The following SPTB variants were observed in gnomAD, a reference collection of about 807,000 sequenced individuals.
SPTB encodes spectrin beta chain, erythrocytic.
A neutral mutation model predicts 256.2 loss-of-function variants in SPTB; 45 were observed. The observed-to-expected ratio is 0.18, with a 90% CI of 0.14 to 0.23. The LOEUF (loss-of-function observed/expected upper bound fraction) is 0.23, where lower values mean the gene tolerates loss of function less well. Ranked by LOEUF, SPTB falls within the 10% of genes least tolerant of loss-of-function variation. The pLI, the probability that SPTB is intolerant of heterozygous loss-of-function variation, is 1.00. For missense variants in SPTB, 2,715 were observed against 3,040.4 expected, an observed-to-expected ratio of 0.89 and a Z score of 2.52; for synonymous variants, 1,231 against 1,243.1, an observed-to-expected ratio of 0.99 and a Z score of 0.21.
At position 64,779,665 on chromosome 14, in the gene SPTB, A is replaced by G; in HGVS notation, c.4473+60T>C. ...AAATTGCTCTGGGTGGCAGCCAGCT[A>G]CTCTGATGGCAGCTGGTGGCTCAGC... On this transcript the variant is annotated intron_variant, in intron 21 of 35. Coordinates refer to ENST00000644917, the MANE Select transcript of SPTB (RefSeq NM_001355436.2). This position sits in a 1 kb window ranked among gnomAD's most constrained non-coding sequence, Gnocchi z 4.2. 6.3e-7 allele frequency: 1 copy of G among 1,591,828 alleles called. No homozygotes were observed. The highest frequency in any genetic ancestry group is 8.6e-7 in the Non-Finnish European group (1 of 1,160,572).
At position 64,793,495 on chromosome 14, in the gene SPTB, G is replaced by A; in HGVS notation, c.2168C>T (p.Ala723Val). 3 of 1,614,134 alleles carry A rather than the reference G, an allele frequency of 1.9e-6. No individual in the cohort carries two copies. Among genetic ancestry groups the A allele is most frequent in the Non-Finnish European group, 2.5e-6 (3 of 1,180,044 alleles). ...QIEARIKEVS[A>V]QWDQLKDLAA... ...CAGGTCCTTCAGCTGGTCCCACTGT[G>A]CCGACACCTCCTTTATGCGGGCCTC... Residue 723 changes from alanine (A) to valine (V), a missense_variant, in exon 14 of 36, where the codon GCA becomes GTA. By Grantham distance (64) the Ala-to-Val change is moderately conservative (BLOSUM62 0). This residue lies in a region of SPTB where 2,239 missense variants were observed against 2,384.4 expected (regional missense o/e 0.94). Coordinates refer to ENST00000644917, the MANE Select transcript of SPTB (RefSeq NM_001355436.2). The surrounding 1 kb of genome is among the most constrained non-coding windows in gnomAD (Gnocchi z 7.0).
At chr14:64,861,375 A>G (rs1021757081) in intron 1 of SPTB, among the ~76,000 whole-genome samples, 11 of 152,198 alleles carry the variant, frequency 7.2e-5, no homozygotes, top group Non-Finnish European at 1.2e-4. Flanking sequence ...GCATACACTC[A>G]AGCCTCATAT....
In SPTB at chr14:64,764,814, G is replaced by A. The variant is rs946116945; in HGVS notation, c.6345+1912C>T. 3.9e-5 allele frequency among the ~76,000 whole-genome samples: 6 copies of A among 152,138 alleles called. No individual in the cohort carries two copies. Among genetic ancestry groups the A allele is most frequent in the Non-Finnish European group, 8.8e-5 (6 of 68,006 alleles). ...GCCCCCCAGAGTTCGCTCTCCTTCCGGCAGGGGCTGTTGCTGGGAAAAAGG... is the reference window on the plus strand; with the variant it reads ...GCCCCCCAGAGTTCGCTCTCCTTCCAGCAGGGGCTGTTGCTGGGAAAAAGG... On this transcript the variant is annotated intron_variant, in intron 32 of 35. Coordinates refer to ENST00000644917, the MANE Select transcript of SPTB (RefSeq NM_001355436.2). This position sits in a 1 kb window ranked among gnomAD's most constrained non-coding sequence, Gnocchi z 4.2.
Position 64,841,888 on chromosome 14 carries a change from C to G in SPTB, c.-51-18743G>C, listed in dbSNP as rs181984087. ...GGTGTTGCAGTTTGATAACGCTCTCCTCATATCTGTTAAAGAGCGCGGCAA... is the reference window on the plus strand; with the variant it reads ...GGTGTTGCAGTTTGATAACGCTCTCGTCATATCTGTTAAAGAGCGCGGCAA... On this transcript the variant is annotated intron_variant, in intron 1 of 35. Transcript: ENST00000644917. The surrounding 1 kb of genome is among the most constrained non-coding windows in gnomAD (Gnocchi z 4.6). Among the ~76,000 whole-genome samples, 116 of 152,304 alleles carry G rather than the reference C, an allele frequency of 7.6e-4. 3 individuals carry two copies. In the South Asian group the frequency reaches 0.019, roughly 24 times the overall value.
rs1011753232 is a variant in SPTB, at chr14:64,841,030, C to T, written c.-51-17885G>A. ...GCTTTTCTCTGTGCTCCAGTTTCCT[C>T]ACCCAGTTAAAAGTAAATTTCTCCA... On this transcript the variant is annotated intron_variant, in intron 1 of 35. Coordinates refer to ENST00000644917, the MANE Select transcript of SPTB (RefSeq NM_001355436.2). This position sits in a 1 kb window ranked among gnomAD's most constrained non-coding sequence, Gnocchi z 4.6. 2.0e-5 allele frequency among the ~76,000 whole-genome samples: 3 copies of T among 152,224 alleles called. No homozygotes were observed. The highest frequency in any genetic ancestry group is 2.9e-5 in the Non-Finnish European group (2 of 68,048).
chr14:64,862,915 G>A (rs1293760049), intron 1 of SPTB, among the ~76,000 whole-genome samples: 1 of 151,758 alleles, frequency 6.6e-6, no homozygotes, highest in African/African-American at 2.4e-5. Context: ...TGGGATATTG[G>A]CAAATTTGAA....
chr14:64,848,819 T>C (rs181605805), intron 1 of SPTB, among the ~76,000 whole-genome samples: 2 of 152,372 alleles, frequency 1.3e-5, no homozygotes, highest in African/African-American at 4.8e-5. Context: ...TAAGGGCTAG[T>C]TGTTTAATAG....
At position 64,799,796 on chromosome 14, in the gene SPTB, G is replaced by T; in HGVS notation, c.1015C>A (p.Gln339Lys). Residue 339 changes from glutamine to lysine, a missense_variant, in exon 9 of 36, where the codon CAG becomes AAG. Coordinates refer to ENST00000644917, the MANE Select transcript of SPTB (RefSeq NM_001355436.2). ...TAGGTGCTGAAGGCCTGCAGCTGCT[G>T]CTGGACGCCCGTCAGCGAGTTGGCA... The part of the protein sequence containing the change: ...KFANSLTGVQ[Q>K]QLQAFSTYRT... The T allele has an allele frequency of 1.2e-6, 2 of 1,614,254 alleles. No homozygotes were observed. The highest frequency in any genetic ancestry group is 1.1e-5 in the South Asian group (1 of 91,090).
chr14:64,840,113 T>G (rs2083583986), intron 1 of SPTB, among the ~76,000 whole-genome samples: 2 of 152,238 alleles, frequency 1.3e-5, no homozygotes, highest in Admixed American at 6.5e-5. Context: ...GAGATCAAGT[T>G]CCTTTCTTGG....
chr14:64,766,316 G>A, intron 32 of SPTB: 1 of 1,044,738 alleles, frequency 9.6e-7, no homozygotes, highest in Non-Finnish European at 1.2e-6. Context: ...AGGTGTGGGT[G>A]CAGGGGGTGA....
In SPTB at chr14:64,754,634, G is replaced by T. The variant is rs111567917; in HGVS notation, c.6346-841C>A. ...GGCACAGCCTTGGGGAACTGCTGTG[G>T]TCTTTACCTCCCTGCACCTCCCTGT... On this transcript the variant is annotated intron_variant, in intron 32 of 35. Transcript: ENST00000644917. The T allele has an allele frequency of 2.1e-3, 319 of 152,936 alleles. 2 individuals are homozygous for T. The highest frequency in any genetic ancestry group is 3.5e-3 in the Non-Finnish European group (242 of 68,550). 9.5% of individuals were successfully genotyped at this position (152,936 alleles called of 1,614,324 possible). A position where few individuals can be genotyped will look rare whatever the true frequency, so the allele number is the denominator to read the frequency against.
chr14:64,749,379 A>G lies in SPTB; in HGVS notation c.6914T>C (p.Leu2305Pro). The G allele has an allele frequency of 6.2e-7, 1 of 1,610,090 alleles. No individual in the cohort carries two copies. The highest frequency in any genetic ancestry group is 8.5e-7 in the Non-Finnish European group (1 of 1,179,768). Reference sequence around the variant, plus strand: ...GCCGAGGCTGGCGTCGGGGCCGGAGAGGGAAGGCAGGGGCAGGCTCTGCGC... The same window carrying G: ...GCCGAGGCTGGCGTCGGGGCCGGAGGGGGAAGGCAGGGGCAGGCTCTGCGC... Reference protein sequence around the residue: ...VKAQSLPLPSLSGPDASLGKK... With the variant: ...VKAQSLPLPSPSGPDASLGKK... Residue 2305 changes from leucine to proline, a missense_variant, in exon 36 of 36, where the codon CTC (leucine) becomes CCC (proline). Leu to Pro is a moderately conservative substitution (Grantham distance 98). Around this residue, in one of 4 missense-constraint regions of SPTB, gnomAD observed 2,239 missense variants for 2,384.4 expected, o/e 0.94. Coordinates refer to ENST00000644917, the MANE Select transcript of SPTB (RefSeq NM_001355436.2). This position sits in a 1 kb window ranked among gnomAD's most constrained non-coding sequence, Gnocchi z 4.7.
intron 1 of SPTB, among the ~76,000 whole-genome samples, chr14:64,831,788 G>A (rs1245670295): frequency 2.6e-5 from 4 of 152,220 alleles, no homozygotes; most frequent in African/African-American, 7.2e-5. Context: ...GAATGAACAC[G>A]TGGAGGGCAC....
rs1170516509 is a variant in SPTB at position 64,801,153 on chromosome 14, C to A, written c.763+132G>T. On this transcript the variant is annotated intron_variant, in intron 7 of 35. Coordinates refer to ENST00000644917, the MANE Select transcript of SPTB (RefSeq NM_001355436.2). ...AGATCAGAGCCTGGCCTGGCCACTGCCCCTCACTGTGCCCACAGCTTGCCC... is the reference window on the plus strand; with the variant it reads ...AGATCAGAGCCTGGCCTGGCCACTGACCCTCACTGTGCCCACAGCTTGCCC... The A allele has an allele frequency of 7.9e-6, 6 of 755,860 alleles. No individual in the cohort carries two copies. In the East Asian group the frequency reaches 1.3e-4, roughly 17 times the overall value. The allele number at this position is 755,860 out of a possible 1,614,324, so 46.8% of individuals were successfully genotyped here. A position where few individuals can be genotyped will look rare whatever the true frequency, so the allele number is the denominator to read the frequency against.
chr14:64,782,265 C>T (rs891784032), intron 20 of SPTB, 25 bp downstream of exon 20: 2 of 1,614,156 alleles, frequency 1.2e-6, no homozygotes, highest in Admixed American at 3.3e-5. Flanking sequence ...TCCTAACACT[C>T]TGAGTCTACA....
At chr14:64,805,950 C>T (rs1444112454) in intron 2 of SPTB, among the ~76,000 whole-genome samples, 2 of 152,094 alleles carry the variant, frequency 1.3e-5, no homozygotes, top group Non-Finnish European at 2.9e-5. Flanking sequence ...ACATGACACC[C>T]CTATCCTAAA....
Position 64,873,464 on chromosome 14 carries a change from G to T in SPTB, c.-52+6328C>A, listed in dbSNP as rs1425856177. ...AATGCCCAGTAAATTTGGGGTAAAGGAATGAAAAACCCAAAACATCAATTA... is the reference window on the plus strand; with the variant it reads ...AATGCCCAGTAAATTTGGGGTAAAGTAATGAAAAACCCAAAACATCAATTA... On this transcript the variant is annotated intron_variant, in intron 1 of 35. Coordinates refer to ENST00000644917, the MANE Select transcript of SPTB (RefSeq NM_001355436.2). The surrounding 1 kb of genome is among the most constrained non-coding windows in gnomAD (Gnocchi z 4.3). 6.6e-6 allele frequency among the ~76,000 whole-genome samples: 1 copy of T among 152,172 alleles called. No individual in the cohort carries two copies. Among genetic ancestry groups the T allele is most frequent in the Non-Finnish European group, 1.5e-5 (1 of 68,034 alleles).
At chr14:64,774,657 G>GC in intron 23 of SPTB, 130 bp from the exon 24 acceptor site, 1 of 1,322,608 alleles carries the variant, frequency 7.6e-7, no homozygotes, top group Non-Finnish European at 1.1e-6. Context: ...CCGCAGGAGA[G>GC]CCACACATGC....
At chr14:64,813,033 GT>G (rs1397258477) in intron 2 of SPTB, among the ~76,000 whole-genome samples, 22 of 152,308 alleles carry the variant, frequency 1.4e-4, no homozygotes, top group African/African-American at 5.3e-4. Context: ...AAAGGATATT[GT>G]AATGCATTTT....
Sources: allele counts gnomAD v4.1 joint callset (sites outside exome capture counted in the v4.1 genomes callset), GRCh38; gene constraint gnomAD v4.1.1; regional missense constraint gnomAD v4.1.1; non-coding constraint Gnocchi (gnomAD v3.1); transcripts MANE v1.5; gene names NCBI Gene and HGNC (gene_info 2026-07-23, HGNC 2026-07-21).